Variants in BRINP3 observed in about 807,000 individuals in gnomAD.
The protein encoded by BRINP3 is BMP/retinoic acid inducible neural specific 3.
BRINP3 carries 19 observed loss-of-function variants against 71.0 expected under a neutral mutation model. That is an observed-to-expected ratio of 0.27 (90% CI 0.19 to 0.39). The LOEUF is 0.39. BRINP3 is among the 10% of genes least tolerant of loss of function. The pLI, the probability that BRINP3 is intolerant of heterozygous loss-of-function variation, is 1.00. For missense variants in BRINP3, 959 were observed against 940.8 expected (o/e 1.02, Z -0.25); for synonymous variants, 380 against 337.7 (o/e 1.13, Z -1.37).
chr1:190,319,901 G>A (rs555408937), intron 2 of BRINP3, among the ~76,000 whole-genome samples: 6 of 151,864 alleles, frequency 4.0e-5, no homozygotes, highest in African/African-American at 7.3e-5. Context: ...CACATTTGAC[G>A]CCTAGCACTA....
At chr1:190,416,239 T>C (rs1486778119) in intron 2 of BRINP3, among the ~76,000 whole-genome samples, 1 of 152,222 alleles carries the variant, frequency 6.6e-6, no homozygotes, top group Non-Finnish European at 1.5e-5. Context: ...TTAATCATTA[T>C]ATAAGACAGA....
chr1:190,337,821 A>C (rs1192390908), intron 2 of BRINP3, among the ~76,000 whole-genome samples: 1 of 152,096 alleles, frequency 6.6e-6, no homozygotes, highest in African/African-American at 2.4e-5. Context: ...AACCCTGACT[A>C]ATACAGACAT....
At chr1:190,184,719 G>A (rs779314079) in intron 6 of BRINP3, among the ~76,000 whole-genome samples, 12 of 152,038 alleles carry the variant, frequency 7.9e-5, no homozygotes, top group Non-Finnish European at 1.6e-4. Context: ...AGCAAAAATA[G>A]ATAGTGAGTA....
At chr1:190,386,157 C>G (rs1670885509) in intron 2 of BRINP3, among the ~76,000 whole-genome samples, 1 of 148,090 alleles carries the variant, frequency 6.8e-6, no homozygotes, top group African/African-American at 2.5e-5. Context: ...TTGCAGCGCA[C>G]CAGCATGGCA....
intron 2 of BRINP3, among the ~76,000 whole-genome samples, chr1:190,390,188 A>G (rs1324078023): frequency 1.3e-5 from 2 of 151,742 alleles, no homozygotes; most frequent in Non-Finnish European, 2.9e-5. Context: ...CTACTCTAAA[A>G]TAATGCTACA....
intron 6 of BRINP3, among the ~76,000 whole-genome samples, chr1:190,186,157 C>T (rs1197768663): frequency 6.6e-6 from 1 of 151,926 alleles, no homozygotes; most frequent in African/African-American, 2.4e-5. Flanking sequence ...GGGTGGATTA[C>T]CTGAGGTCAG....
chr1:190,444,960 T>C (rs1675112089), intron 2 of BRINP3, among the ~76,000 whole-genome samples: 1 of 152,214 alleles, frequency 6.6e-6, no homozygotes, highest in African/African-American at 2.4e-5. Context: ...TTTTAACATC[T>C]TTATATTATC....
chr1:190,298,360 G>A (rs1180899129), intron 2 of BRINP3, among the ~76,000 whole-genome samples: 1 of 150,382 alleles, frequency 6.6e-6, no homozygotes, highest in East Asian at 2.0e-4. Flanking sequence ...TTATCTTTAT[G>A]TTTTCTTCAT....
intron 2 of BRINP3, among the ~76,000 whole-genome samples, chr1:190,344,106 T>C (rs918831292): frequency 6.6e-6 from 1 of 151,782 alleles, no homozygotes; most frequent in Non-Finnish European, 1.5e-5. Context: ...AGATAAAATA[T>C]ATTGTCCTTC....
chr1:190,257,397 T>C (rs542249548), intron 4 of BRINP3, among the ~76,000 whole-genome samples: 1 of 152,308 alleles, frequency 6.6e-6, no homozygotes, highest in Non-Finnish European at 1.5e-5. Flanking sequence ...CTAATCTTTT[T>C]TCAAATTTTT....
chr1:190,323,728 A>T (rs1666400869), intron 2 of BRINP3, among the ~76,000 whole-genome samples: 2 of 151,980 alleles, frequency 1.3e-5, no homozygotes, highest in African/African-American at 4.8e-5. Flanking sequence ...GACAAGCATG[A>T]CATGATCATG....
At chr1:190,155,566 C>T (rs928279714) in intron 7 of BRINP3, among the ~76,000 whole-genome samples, 11 of 152,020 alleles carry the variant, frequency 7.2e-5, no homozygotes, top group East Asian at 3.9e-4. Context: ...AGCTCAGTTA[C>T]GTTTTAGGAA....
chr1:190,430,875 T>C (rs960793112), intron 2 of BRINP3, among the ~76,000 whole-genome samples: 1 of 152,176 alleles, frequency 6.6e-6, no homozygotes, highest in Non-Finnish European at 1.5e-5. Context: ...AATCCCAATG[T>C]ATAATTTATA....
chr1:190,158,510 A>T (rs772815317), intron 7 of BRINP3, among the ~76,000 whole-genome samples: 10 of 152,026 alleles, frequency 6.6e-5, no homozygotes, highest in Non-Finnish European at 1.2e-4. Flanking sequence ...ACTGGGTACT[A>T]TGCTCACTAC....
intron 6 of BRINP3, among the ~76,000 whole-genome samples, chr1:190,199,771 G>GAAAAAAAAAAAAAAAAAAAAAAAAA (rs35752025): frequency 8.1e-6 from 1 of 123,522 alleles, no homozygotes; most frequent in African/African-American, 3.0e-5. Flanking sequence ...CAAGGCATAG[G>GAAAAAAAAAAAAAAAAAAAAAAAAA]AAAAAAAAAA....
At chr1:190,249,215 C>T (rs1322729023) in intron 4 of BRINP3, among the ~76,000 whole-genome samples, 2 of 151,758 alleles carry the variant, frequency 1.3e-5, no homozygotes, top group African/African-American at 2.4e-5. Context: ...AAATAAAAAT[C>T]ATGTCACGTT....
chr1:190,342,898 C>T (rs1558198943), intron 2 of BRINP3: 2 of 151,654 alleles, frequency 1.3e-5, no homozygotes, highest in South Asian at 2.1e-4. Flanking sequence ...AGAATAAATA[C>T]AGAATTTTCT....
intron 4 of BRINP3, among the ~76,000 whole-genome samples, chr1:190,258,973 A>G (rs1373550297): frequency 6.6e-6 from 1 of 152,178 alleles, no homozygotes; most frequent in East Asian, 1.9e-4. Context: ...CACAGTATGA[A>G]TAAACCTAGT....
chr1:190,184,076 A>T (rs1437397436), intron 6 of BRINP3, among the ~76,000 whole-genome samples: 1 of 152,130 alleles, frequency 6.6e-6, no homozygotes, highest in African/African-American at 2.4e-5. Context: ...AAAATATTTT[A>T]AAAAAGCAAC....
Sources: allele counts gnomAD v4.1 joint callset (sites outside exome capture counted in the v4.1 genomes callset), GRCh38; gene constraint gnomAD v4.1.1; transcripts MANE v1.5; gene names NCBI Gene and HGNC (gene_info 2026-07-23, HGNC 2026-07-21).